The following BAG3 variants were observed in gnomAD, a reference collection of about 807,000 sequenced individuals.
The protein encoded by BAG3 is BAG family molecular chaperone regulator 3.
Under a neutral mutation model 40.5 loss-of-function variants are expected in BAG3, and 14 were observed. That is an observed-to-expected ratio of 0.35 (90% CI 0.23 to 0.54). BAG3 has a LOEUF of 0.54. BAG3 is among the 20% of genes least tolerant of loss of function. The probability of loss-of-function intolerance (pLI) is 0.91; values close to 1 mark genes in which losing one functional copy is unlikely to be tolerated. For synonymous variants in BAG3, 302 were observed against 307.8 expected (o/e 0.98, Z 0.20); for missense variants, 788 against 758.6 (o/e 1.04, Z -0.46).
In BAG3 at chr10:119,665,092, T is replaced by TTGTGTG. The variant is rs1554876557; in HGVS notation, c.181-4729_181-4724dup. Among the ~76,000 whole-genome samples, 106 of 87,986 alleles carry TTGTGTG rather than the reference T, an allele frequency of 1.2e-3. 1 individual carries two copies. In the South Asian group the frequency reaches 0.018, roughly 15 times the overall value. The allele number at this position is 87,986 out of a possible 152,430, so 57.7% of individuals were successfully genotyped here. A position where few individuals can be genotyped will look rare whatever the true frequency, so the allele number is the denominator to read the frequency against. On this transcript the variant is annotated intron_variant, in intron 1 of 3. Transcript: ENST00000369085. ...GCCACCACACACAGCTAATTTTTGT[T>TTGTGTG]TGTGTGTGTGTGTGTGTGTGTGTGT...
In BAG3 at chr10:119,651,862, C is replaced by T. The variant is rs764255227; in HGVS notation, c.180+7C>T. ...GCCCTCTGAGGGCCCCAAGGTGAGC[C>T]GGGCCCGCGGCCCGCCCTGGTCGGT... On this transcript the variant is annotated splice_region_variant and intron_variant, in intron 1 of 3. Coordinates refer to ENST00000369085, the MANE Select transcript of BAG3 (RefSeq NM_004281.4). 2 of 1,550,850 alleles carry T rather than the reference C, an allele frequency of 1.3e-6. No homozygotes were observed. The highest frequency in any genetic ancestry group is 1.9e-5 in the Admixed American group (1 of 52,548).
At chr10:119,659,431 T>A (rs1357786206) in intron 1 of BAG3, among the ~76,000 whole-genome samples, 1 of 152,124 alleles carries the variant, frequency 6.6e-6, no homozygotes, top group Non-Finnish European at 1.5e-5. Flanking sequence ...CCTGCACAGC[T>A]CTTCTGGACC....
In BAG3 at chr10:119,672,604, C is replaced by T; in HGVS notation, c.857C>T (p.Pro286Leu). Reference protein sequence around the residue: ...REGSPARSSTPLHSPSPIRVH... With the variant: ...REGSPARSSTLLHSPSPIRVH... ...GGCTCACCAGCCAGGAGCAGCACGC[C>T]ACTCCACTCCCCCTCGCCCATCCGT... The change falls in exon 3 of 4, where the codon CCA (proline) becomes CTA (leucine). Residue 286 changes from proline (P) to leucine (L), a missense_variant. Physicochemically the swap from Pro to Leu is moderately conservative, Grantham distance 98 (BLOSUM62 -3). Transcript: ENST00000369085. This position sits in a 1 kb window ranked among gnomAD's most constrained non-coding sequence, Gnocchi z 4.8. 1 of 1,614,148 alleles carries T rather than the reference C, an allele frequency of 6.2e-7. No individual in the cohort carries two copies. The highest frequency in any genetic ancestry group is 1.3e-5 in the African/African-American group (1 of 75,054).
At chr10:119,670,270 G>A in intron 2 of BAG3, 93 bp downstream of exon 2, 1 of 1,384,400 alleles carries the variant, frequency 7.2e-7, no homozygotes, top group Non-Finnish European at 9.6e-7. Context: ...CCCTGGGCCA[G>A]GCACCTGTTC....
chr10:119,666,023 G>C (rs1006061358), intron 1 of BAG3, among the ~76,000 whole-genome samples: 10 of 152,174 alleles, frequency 6.6e-5, no homozygotes, highest in Admixed American at 3.3e-4. Flanking sequence ...GGCAGGCTTG[G>C]CCTGTTCAGT....
intron 1 of BAG3, among the ~76,000 whole-genome samples, chr10:119,657,101 G>A (rs560719313): frequency 2.6e-5 from 4 of 152,276 alleles, no homozygotes; most frequent in African/African-American, 9.6e-5. Context: ...TCTTTGTATA[G>A]TTAATCAGAA....
chr10:119,668,519 C>G (rs1201122080), intron 1 of BAG3, among the ~76,000 whole-genome samples: 5 of 152,240 alleles, frequency 3.3e-5, no homozygotes, highest in African/African-American at 1.2e-4. Flanking sequence ...CAGTAGCTCC[C>G]CTCCTGGGAA....
intron 3 of BAG3, among the ~76,000 whole-genome samples, chr10:119,675,003 T>A (rs1034925425): frequency 6.7e-6 from 1 of 148,960 alleles, no homozygotes; most frequent in African/African-American, 2.5e-5. Flanking sequence ...ACAAAAAGCG[T>A]CAAGATATTT....
At chr10:119,665,141 T>TTTTTTCC (rs770421648) in intron 1 of BAG3, among the ~76,000 whole-genome samples, 1 of 85,894 alleles carries the variant, frequency 1.2e-5, no homozygotes, top group Non-Finnish European at 2.4e-5. Flanking sequence ...TATATATATA[T>TTTTTTCC]ATATTTTTTT....
intron 1 of BAG3, among the ~76,000 whole-genome samples, chr10:119,664,295 A>G (rs1318509674): frequency 1.3e-5 from 2 of 152,180 alleles, no homozygotes; most frequent in Non-Finnish European, 2.9e-5. Context: ...TATCTTGGCC[A>G]TCTCATGGAG....
chr10:119,674,685 G>A (rs1356251410), intron 3 of BAG3, among the ~76,000 whole-genome samples: 2 of 152,228 alleles, frequency 1.3e-5, no homozygotes, highest in Non-Finnish European at 2.9e-5. Flanking sequence ...ATAAGGCCAA[G>A]CGCAGTGGCT....
intron 1 of BAG3, among the ~76,000 whole-genome samples, chr10:119,657,160 G>C (rs186071547): frequency 6.6e-6 from 1 of 152,114 alleles, no homozygotes; most frequent in African/African-American, 2.4e-5. Context: ...AGATGGGCCC[G>C]ACTCTTTACT....
At chr10:119,668,416 G>A (rs1027316731) in intron 1 of BAG3, among the ~76,000 whole-genome samples, 5 of 152,384 alleles carry the variant, frequency 3.3e-5, no homozygotes, top group Non-Finnish European at 5.9e-5. Context: ...AGCCTTTGGC[G>A]TTTGTTCGCC....
chr10:119,654,600 T>C (rs1359311702), intron 1 of BAG3, among the ~76,000 whole-genome samples: 2 of 152,254 alleles, frequency 1.3e-5, no homozygotes, highest in African/African-American at 4.8e-5. Flanking sequence ...CCGGCAAAGA[T>C]GCTGGGCTTC....
intron 1 of BAG3, among the ~76,000 whole-genome samples, chr10:119,653,294 G>C (rs1225671759): frequency 6.6e-6 from 1 of 152,132 alleles, no homozygotes; most frequent in Non-Finnish European, 1.5e-5. Context: ...ACCCATTTTT[G>C]GGTGAAACTG....
chr10:119,669,691 G>A (rs1847115517), intron 1 of BAG3, among the ~76,000 whole-genome samples, 160 bp from the exon 2 acceptor site: 1 of 152,214 alleles, frequency 6.6e-6, no homozygotes, highest in Non-Finnish European at 1.5e-5. Context: ...CCTCTATGGG[G>A]TGGGGGGTTT....
chr10:119,671,429 T>C (rs1847148452), intron 2 of BAG3, among the ~76,000 whole-genome samples: 1 of 152,234 alleles, frequency 6.6e-6, no homozygotes, highest in South Asian at 2.1e-4. Flanking sequence ...GAGGAAATGC[T>C]CTCAATTTCG....
rs374858685 is a variant in BAG3, at chr10:119,676,853, G to A, written c.1299G>A (p.Gln433=). 2.5e-6 allele frequency: 4 copies of A among 1,614,198 alleles called. No homozygotes were observed. The highest frequency in any genetic ancestry group is 2.2e-5 in the East Asian group (1 of 44,894). Residue 433 remains glutamine (Q), a synonymous_variant, in exon 4 of 4, where the codon CAG becomes CAA. Coordinates refer to ENST00000369085, the MANE Select transcript of BAG3 (RefSeq NM_004281.4). The part of the protein sequence containing the change: ...LKVEAILEKV[Q]GLEQAVDNFE... ...TGGAAGCCATCCTGGAGAAGGTACAGGGGCTGGAGCAGGCTGTAGACAACT... is the reference window on the plus strand; with the variant it reads ...TGGAAGCCATCCTGGAGAAGGTACAAGGGCTGGAGCAGGCTGTAGACAACT...
chr10:119,675,187 G>A (rs1294105442), intron 3 of BAG3, among the ~76,000 whole-genome samples: 1 of 152,034 alleles, frequency 6.6e-6, no homozygotes, highest in African/African-American at 2.4e-5. Context: ...AGAAAAATTA[G>A]CCAGGCATGA....
Sources: allele counts gnomAD v4.1 joint callset (sites outside exome capture counted in the v4.1 genomes callset), GRCh38; gene constraint gnomAD v4.1.1; non-coding constraint Gnocchi (gnomAD v3.1); transcripts MANE v1.5; gene names NCBI Gene and HGNC (gene_info 2026-07-23, HGNC 2026-07-21).